Variants in RYK observed in about 807,000 individuals in gnomAD.
RYK encodes the protein inactive tyrosine-protein kinase RYK.
RYK carries 21 observed loss-of-function variants against 70.2 expected under a neutral mutation model. That is an observed-to-expected ratio of 0.30 (90% CI 0.21 to 0.43). The LOEUF (loss-of-function observed/expected upper bound fraction) is 0.43. Among genes scored for constraint, RYK ranks in the 20% least tolerant of loss-of-function variants. The pLI, the probability that RYK is intolerant of heterozygous loss-of-function variation, is 1.00. For synonymous variants in RYK, 267 were observed against 278.0 expected, an observed-to-expected ratio of 0.96 and a Z score of 0.39; for missense variants, 604 against 753.3, an observed-to-expected ratio of 0.80 and a Z score of 2.32.
intron 13 of RYK, among the ~76,000 whole-genome samples, chr3:134,162,264 G>A (rs765251114): frequency 1.5e-4 from 23 of 150,546 alleles, no homozygotes; most frequent in Non-Finnish European, 3.1e-4. Flanking sequence ...GGAGACGCAG[G>A]ACACAATTCA....
intron 9 of RYK, among the ~76,000 whole-genome samples, chr3:134,184,961 CAAAAA>C (rs34543975): frequency 1.2e-5 from 1 of 80,132 alleles, no homozygotes; most frequent in African/African-American, 4.8e-5. Flanking sequence ...CCCATCTCTA[CAAAAA>C]AAAAAAAAAA....
chr3:134,176,206 CTATACT>C (rs2013094194), intron 11 of RYK, among the ~76,000 whole-genome samples, 167 bp from the exon 12 acceptor site: 1 of 152,180 alleles, frequency 6.6e-6, no homozygotes, highest in Admixed American at 6.5e-5. Flanking sequence ...CCATATATCC[CTATACT>C]TATATCAACT....
Position 134,200,266 on chromosome 3 carries a change from T to C in RYK, c.788+2464A>G, listed in dbSNP as rs960264988. On this transcript the variant is annotated intron_variant, in intron 6 of 14. Coordinates refer to ENST00000623711, the MANE Select transcript of RYK (RefSeq NM_002958.4). ...CTGTAACACTGCGAAGGTCTGCAGCTTCACTCCTAAAGCCAGTGAGACCAC... is the reference window on the plus strand; with the variant it reads ...CTGTAACACTGCGAAGGTCTGCAGCCTCACTCCTAAAGCCAGTGAGACCAC... Among the ~76,000 whole-genome samples, 23 of 152,270 alleles carry C rather than the reference T, an allele frequency of 1.5e-4. No homozygotes were observed. In the South Asian group the frequency reaches 2.1e-3, roughly 14 times the overall value.
At chr3:134,159,955 C>T (rs1312484099) in intron 13 of RYK, among the ~76,000 whole-genome samples, 2 of 152,144 alleles carry the variant, frequency 1.3e-5, no homozygotes, top group African/African-American at 2.4e-5. Context: ...ATGGTCCGTT[C>T]GGGGCTCTCC....
At chr3:134,202,985 G>A in intron 5 of RYK, 111 bp from the exon 6 acceptor site, 1 of 826,040 alleles carries the variant, frequency 1.2e-6, no homozygotes, top group Admixed American at 3.0e-5. Flanking sequence ...TTCTTTGTAA[G>A]ATCAGTTACC....
intron 13 of RYK, among the ~76,000 whole-genome samples, chr3:134,161,112 A>C (rs892129507): frequency 1.3e-5 from 2 of 152,206 alleles, no homozygotes; most frequent in African/African-American, 4.8e-5. Context: ...CTTATGTTAA[A>C]ATTTCCTTGA....
chr3:134,164,795 A>C (rs1254986670), intron 13 of RYK, among the ~76,000 whole-genome samples: 1 of 152,272 alleles, frequency 6.6e-6, no homozygotes, highest in East Asian at 1.9e-4. Flanking sequence ...TAACATTTTA[A>C]GAAATTGCCA....
chr3:134,209,316 G>A (rs1296524762), intron 4 of RYK, among the ~76,000 whole-genome samples: 2 of 152,224 alleles, frequency 1.3e-5, no homozygotes, highest in South Asian at 4.2e-4. Context: ...TTCCAACCCA[G>A]GTCTATCTCA....
intron 6 of RYK, among the ~76,000 whole-genome samples, chr3:134,200,746 A>T (rs2013985893): frequency 6.6e-6 from 1 of 152,210 alleles, no homozygotes; most frequent in Non-Finnish European, 1.5e-5. Context: ...AGCCCATAAA[A>T]CTAGTAAACA....
intron 9 of RYK, among the ~76,000 whole-genome samples, chr3:134,186,830 A>G (rs903051312): frequency 6.6e-5 from 10 of 152,206 alleles, no homozygotes; most frequent in African/African-American, 2.4e-4. Flanking sequence ...GCCCAGTTCT[A>G]CACAGTCTAT....
intron 5 of RYK, among the ~76,000 whole-genome samples, chr3:134,206,936 A>T (rs2014229194): frequency 6.6e-6 from 1 of 152,174 alleles, no homozygotes; most frequent in Non-Finnish European, 1.5e-5. Context: ...TACTGCTATT[A>T]ACACTACCGC....
At chr3:134,188,333 G>A (rs1251208463) in intron 9 of RYK, among the ~76,000 whole-genome samples, 3 of 151,788 alleles carry the variant, frequency 2.0e-5, no homozygotes, top group Non-Finnish European at 4.4e-5. Flanking sequence ...GCTAATTTTT[G>A]TATTTTTAGC....
At chr3:134,237,482 T>C (rs1351709295) in intron 1 of RYK, among the ~76,000 whole-genome samples, 3 of 151,790 alleles carry the variant, frequency 2.0e-5, no homozygotes, top group Admixed American at 6.6e-5. Context: ...ACATCAAAGA[T>C]GGGTTTTAAA....
intron 7 of RYK, 108 bp downstream of exon 7, chr3:134,194,974 G>A (rs1473628393): frequency 1.3e-6 from 1 of 751,348 alleles, no homozygotes; most frequent in Non-Finnish European, 2.3e-6. Flanking sequence ...GCATACTTTA[G>A]ATACGATTTA....
Position 134,241,100 on chromosome 3 carries a change from T to TG in RYK, c.232+9322dup, listed in dbSNP as rs530711375. Among the ~76,000 whole-genome samples, 562 of 102,526 alleles carry TG rather than the reference T, an allele frequency of 5.5e-3. 2 individuals carry two copies. Among genetic ancestry groups the TG allele is most frequent in the South Asian group, 0.015 (45 of 3,064 alleles). The allele number at this position is 102,526 out of a possible 152,430, so 67.3% of individuals were successfully genotyped here. A position where few individuals can be genotyped will look rare whatever the true frequency, so the allele number is the denominator to read the frequency against. On this transcript the variant is annotated intron_variant, in intron 1 of 14. Coordinates refer to ENST00000623711, the MANE Select transcript of RYK (RefSeq NM_002958.4). The stretch of plus-strand genomic sequence containing the variant: ...CTTTGGGAAGCCCAGACAGGGTTGG[T>TG]GGGGGAGGGAAATCACTTGAAGTCA...
chr3:134,212,725 AAGAG>A (rs1196987685), intron 2 of RYK, among the ~76,000 whole-genome samples: 1 of 152,218 alleles, frequency 6.6e-6, no homozygotes, highest in African/African-American at 2.4e-5. Context: ...GATGAAAGAA[AAGAG>A]GGAAAGAGTA....
At chr3:134,226,656 T>C (rs1437558367) in intron 1 of RYK, among the ~76,000 whole-genome samples, 5 of 152,118 alleles carry the variant, frequency 3.3e-5, no homozygotes, top group African/African-American at 1.2e-4. Context: ...TGACCAACTA[T>C]ATATGAAAGG....
At position 134,250,422 on chromosome 3, in the gene RYK, C is replaced by A; in HGVS notation, c.232+1G>T. ...GCCCCGGCCTCGGCGGCCCCACTCA[C>A]CGATCAGCCGGCGCACCTCGTCCTC... On this transcript the variant is annotated splice_donor_variant, in intron 1 of 14. Coordinates refer to ENST00000623711, the MANE Select transcript of RYK (RefSeq NM_002958.4). LOFTEE classifies it high-confidence loss of function. The A allele has an allele frequency of 7.2e-7, 1 of 1,397,614 alleles. No individual in the cohort carries two copies. Among genetic ancestry groups the A allele is most frequent in the Non-Finnish European group, 9.3e-7 (1 of 1,073,270 alleles). 86.6% of individuals were successfully genotyped at this position (1,397,614 alleles called of 1,614,324 possible). A position where few individuals can be genotyped will look rare whatever the true frequency, so the allele number is the denominator to read the frequency against.
intron 13 of RYK, among the ~76,000 whole-genome samples, chr3:134,167,494 G>A (rs1273736318): frequency 6.6e-6 from 1 of 152,150 alleles, no homozygotes. Flanking sequence ...AAGAAATGGG[G>A]AAAGGATTCC....
Sources: allele counts gnomAD v4.1 joint callset (sites outside exome capture counted in the v4.1 genomes callset), GRCh38; gene constraint gnomAD v4.1.1; transcripts MANE v1.5; gene names NCBI Gene and HGNC (gene_info 2026-07-23, HGNC 2026-07-21).